The following ABHD12 variants were observed in gnomAD, a reference collection of about 807,000 sequenced individuals.
The protein encoded by ABHD12 is lysophosphatidylserine lipase ABHD12.
A neutral mutation model predicts 58.3 loss-of-function variants in ABHD12; 43 were observed. That is an observed-to-expected ratio of 0.74 (90% CI 0.58 to 0.95). The LOEUF (loss-of-function observed/expected upper bound fraction) is 0.95. ABHD12 is among the 40% of genes least tolerant of loss of function. The probability of loss-of-function intolerance (pLI) is 0.00; values close to 1 mark genes in which losing one functional copy is unlikely to be tolerated. For synonymous variants in ABHD12, 219 were observed against 211.2 expected (o/e 1.04, Z -0.32); for missense variants, 539 against 537.2 (o/e 1.00, Z -0.03).
chr20:25,365,695 A>AT (rs2089810473), intron 1 of ABHD12, among the ~76,000 whole-genome samples: 1 of 152,214 alleles, frequency 6.6e-6, no homozygotes, highest in South Asian at 2.1e-4. Flanking sequence ...TCAAAGATGC[A>AT]TTTTCTCCAA....
intron 1 of ABHD12, among the ~76,000 whole-genome samples, chr20:25,348,908 C>T (rs925091357): frequency 5.3e-5 from 8 of 151,690 alleles, no homozygotes; most frequent in Non-Finnish European, 1.2e-4. Context: ...CGGTGAAACC[C>T]CGTCTCTACT....
At chr20:25,317,603 A>G (rs1372329376) in intron 4 of ABHD12, among the ~76,000 whole-genome samples, 3 of 152,186 alleles carry the variant, frequency 2.0e-5, no homozygotes, top group African/African-American at 7.2e-5. Flanking sequence ...CCTGCCTTAC[A>G]GCCCTTCACA....
At chr20:25,326,378 A>C (rs899588940) in intron 2 of ABHD12, among the ~76,000 whole-genome samples, 2 of 152,224 alleles carry the variant, frequency 1.3e-5, no homozygotes, top group Admixed American at 1.3e-4. Flanking sequence ...TTGTCTATAC[A>C]GTCCCCATAC....
intron 1 of ABHD12, among the ~76,000 whole-genome samples, chr20:25,356,659 C>T (rs926295721): frequency 1.3e-4 from 20 of 152,210 alleles, no homozygotes; most frequent in African/African-American, 4.8e-4. Context: ...AGTCTGAGGA[C>T]TTTAAAAGCC....
At chr20:25,372,814 A>T (rs188347734) in intron 1 of ABHD12, among the ~76,000 whole-genome samples, 114 of 152,350 alleles carry the variant, frequency 7.5e-4, no homozygotes, top group African/African-American at 2.7e-3. Context: ...AACCACTGCA[A>T]GTTGTATAAA....
intron 1 of ABHD12, among the ~76,000 whole-genome samples, chr20:25,377,489 G>A: frequency 6.6e-6 from 1 of 152,166 alleles, no homozygotes; most frequent in East Asian, 1.9e-4. Flanking sequence ...TCTTGCTGGT[G>A]GGGACTCCGA....
At chr20:25,361,858 G>A (rs1053612238) in intron 1 of ABHD12, among the ~76,000 whole-genome samples, 3 of 152,160 alleles carry the variant, frequency 2.0e-5, no homozygotes, top group African/African-American at 7.2e-5. Flanking sequence ...GGGAGGTTGA[G>A]GCAGGAGAAG....
downstream of ABHD12, chr20:25,300,193 C>G (rs553486558): frequency 1.0e-6 from 1 of 994,300 alleles, no homozygotes; most frequent in Non-Finnish European, 1.2e-6. Context: ...TGACCCTTCT[C>G]GCGCTGCAGA....
intron 1 of ABHD12, among the ~76,000 whole-genome samples, chr20:25,364,068 TC>T (rs1225568403): frequency 6.6e-6 from 1 of 152,072 alleles, no homozygotes; most frequent in Admixed American, 6.6e-5. Flanking sequence ...CACTACTGTA[TC>T]CCACAGGCCT....
In ABHD12 at chr20:25,300,845, TCA is replaced by T. The variant is rs1232292735; in HGVS notation, c.1195_1196del (p.Ter399SerfsTer122). 2 of 1,613,978 alleles carry T rather than the reference TCA, an allele frequency of 1.2e-6. No homozygotes were observed. Among genetic ancestry groups the T allele is most frequent in the Non-Finnish European group, 1.7e-6 (2 of 1,180,008 alleles). On this transcript the variant is annotated frameshift_variant and stop_lost, in exon 13 of 13. Coordinates refer to ENST00000339157, the MANE Select transcript of ABHD12 (RefSeq NM_001042472.3). LOFTEE classifies it high-confidence loss of function. Reference protein sequence around the residue: ...LGKSEPEHQH* With the variant: ...LGKSEPEHQHX ...TCATGCTTCCTTCCCACGGCCAGGC[TCA>T]GTGCTGGTGCTCAGGCTCCGACTTC...
intron 1 of ABHD12, among the ~76,000 whole-genome samples, chr20:25,383,634 T>C (rs1177524691): frequency 2.0e-5 from 3 of 151,538 alleles, no homozygotes; most frequent in Non-Finnish European, 4.4e-5. Context: ...GCCTGGCCAA[T>C]ATGGTGAAAC....
chr20:25,376,251 A>G (rs1317607166), intron 1 of ABHD12, among the ~76,000 whole-genome samples: 1 of 152,254 alleles, frequency 6.6e-6, no homozygotes, highest in Non-Finnish European at 1.5e-5. Flanking sequence ...AGAAGGAACA[A>G]GAGAGTAACG....
At chr20:25,354,922 C>T (rs992097495) in intron 1 of ABHD12, among the ~76,000 whole-genome samples, 3 of 152,118 alleles carry the variant, frequency 2.0e-5, no homozygotes, top group Non-Finnish European at 4.4e-5. Flanking sequence ...TTTCTCTTTC[C>T]TATCTCTTTC....
intron 1 of ABHD12, among the ~76,000 whole-genome samples, chr20:25,357,159 C>T (rs1348703699): frequency 6.6e-6 from 1 of 152,168 alleles, no homozygotes; most frequent in Non-Finnish European, 1.5e-5. Flanking sequence ...CTGCTGTCCC[C>T]TCTCTAGCAC....
intron 1 of ABHD12, among the ~76,000 whole-genome samples, chr20:25,341,433 A>G (rs1487305457): frequency 6.6e-6 from 1 of 152,234 alleles, no homozygotes; most frequent in Middle Eastern, 3.2e-3. Context: ...CAATGAGGGT[A>G]CATTAATCAC....
intron 2 of ABHD12, among the ~76,000 whole-genome samples, chr20:25,331,854 C>T (rs1017965478): frequency 6.6e-6 from 1 of 151,904 alleles, no homozygotes; most frequent in African/African-American, 2.4e-5. Flanking sequence ...CAAAATCATG[C>T]CAAAATGTAA....
At chr20:25,295,860 G>A (rs1261588201), downstream of ABHD12, among the ~76,000 whole-genome samples, 10 of 152,148 alleles carry the variant, frequency 6.6e-5, no homozygotes, top group South Asian at 2.1e-4. Context: ...CACTCCCTCC[G>A]TTGAAAAAAA....
At chr20:25,387,642 A>T (rs2090110179) in intron 1 of ABHD12, among the ~76,000 whole-genome samples, 1 of 148,246 alleles carries the variant, frequency 6.7e-6, no homozygotes. Context: ...CCCAGCATCG[A>T]TATGGGAGGA....
chr20:25,353,374 AAAG>A (rs976505004), intron 1 of ABHD12, among the ~76,000 whole-genome samples: 2 of 152,208 alleles, frequency 1.3e-5, no homozygotes, highest in African/African-American at 4.8e-5. Flanking sequence ...CAAAAAATTT[AAAG>A]AATAAGCAAA....
Sources: allele counts gnomAD v4.1 joint callset (sites outside exome capture counted in the v4.1 genomes callset), GRCh38; gene constraint gnomAD v4.1.1; transcripts MANE v1.5; gene names NCBI Gene and HGNC (gene_info 2026-07-23, HGNC 2026-07-21).